IL1R1: variants seen among roughly 807,000 people sequenced by gnomAD.
IL1R1 encodes interleukin-1 receptor type 1.
In IL1R1, 22 loss-of-function variants were observed where a neutral mutation model predicts 50.2. The ratio of observed to expected loss-of-function variants is 0.44; its 90% CI spans 0.31 to 0.63. The LOEUF is 0.63. Among genes scored for constraint, IL1R1 ranks in the 20% least tolerant of loss-of-function variants. IL1R1 has a pLI of 0.07. For synonymous variants in IL1R1, 251 were observed against 236.7 expected (o/e 1.06, Z -0.55); for missense variants, 509 against 676.2 (o/e 0.75, Z 2.74).
chr2:102,121,534 T>C (rs1251828438), intron 1 of IL1R1, among the ~76,000 whole-genome samples: 1 of 152,148 alleles, frequency 6.6e-6, no homozygotes, highest in African/African-American at 2.4e-5. Context: ...CTGCAGATCT[T>C]CCCTCTAGCT....
chr2:102,071,085 A>G (rs926239864), intron 1 of IL1R1, among the ~76,000 whole-genome samples: 4 of 152,300 alleles, frequency 2.6e-5, no homozygotes, highest in Admixed American at 2.0e-4. Flanking sequence ...AGGCATCATT[A>G]TGTGTTATAT....
At chr2:102,099,652 T>C (rs372481708), upstream of IL1R1, among the ~76,000 whole-genome samples, 13 of 152,278 alleles carry the variant, frequency 8.5e-5, no homozygotes, top group South Asian at 6.2e-4. Context: ...CATTCTCCAG[T>C]GATGACCTCC....
intron 3 of IL1R1, among the ~76,000 whole-genome samples, chr2:102,160,015 C>G (rs925228560): frequency 3.3e-5 from 5 of 152,022 alleles, no homozygotes; most frequent in African/African-American, 1.2e-4. Flanking sequence ...TTTTTGTTGC[C>G]TTTATGGAGG....
intron 1 of IL1R1, among the ~76,000 whole-genome samples, chr2:102,152,448 T>C (rs1163422096): frequency 3.8e-5 from 5 of 132,348 alleles, no homozygotes; most frequent in African/African-American, 8.8e-5. Context: ...GAGCTTGCAG[T>C]GAGCCTAGAT....
chr2:102,081,306 T>G (rs1490321196), intron 1 of IL1R1, among the ~76,000 whole-genome samples: 1 of 152,188 alleles, frequency 6.6e-6, no homozygotes, highest in Non-Finnish European at 1.5e-5. Context: ...TGCAGAAATA[T>G]GCTGAATTAG....
upstream of IL1R1, among the ~76,000 whole-genome samples, chr2:102,140,220 G>A (rs1682567625): frequency 6.6e-6 from 1 of 152,244 alleles, no homozygotes; most frequent in South Asian, 2.1e-4. Context: ...TAGCCTTAAT[G>A]TTTATAATGG....
At chr2:102,162,259 C>T (rs1321950868) in intron 3 of IL1R1, among the ~76,000 whole-genome samples, 1 of 152,034 alleles carries the variant, frequency 6.6e-6, no homozygotes, top group Non-Finnish European at 1.5e-5. Context: ...TCTTTTTAAT[C>T]TATTTTTACC....
chr2:102,124,809 G>A (rs895341379), intron 1 of IL1R1, among the ~76,000 whole-genome samples: 4 of 151,920 alleles, frequency 2.6e-5, no homozygotes, highest in South Asian at 2.1e-4. Context: ...CCAGCTACTC[G>A]GGAAGCTGAG....
chr2:102,168,873 A>G (rs1236135769), intron 7 of IL1R1, among the ~76,000 whole-genome samples: 1 of 152,002 alleles, frequency 6.6e-6, no homozygotes, highest in Non-Finnish European at 1.5e-5. Flanking sequence ...CTCCAGCCCT[A>G]CTTTTCTGTG....
Position 102,077,654 on chromosome 2 carries a change from T to C in IL1R1, c.-84+7121T>C, listed in dbSNP as rs370334966. On this transcript the variant is annotated intron_variant, in intron 1 of 11. Transcript: ENST00000409929. The stretch of plus-strand genomic sequence containing the variant: ...TTTTCTCCTCCTGTTGGTTATATTT[T>C]CCTGCTTCTTTGCATGCATGGTAAT... 9.2e-5 allele frequency among the ~76,000 whole-genome samples: 14 copies of C among 152,326 alleles called. No homozygotes were observed. In the East Asian group the frequency reaches 9.7e-4, roughly 11 times the overall value.
chr2:102,155,357 A>C (rs922723565), intron 2 of IL1R1, among the ~76,000 whole-genome samples: 1 of 152,200 alleles, frequency 6.6e-6, no homozygotes, highest in South Asian at 2.1e-4. Context: ...TTTACTCAAC[A>C]TGCCATCTAT....
At chr2:102,114,398 G>T (rs780010706) in intron 1 of IL1R1, among the ~76,000 whole-genome samples, 3 of 152,190 alleles carry the variant, frequency 2.0e-5, no homozygotes, top group African/African-American at 4.8e-5. Flanking sequence ...GTTCACAGGG[G>T]TTCTTTCCTG....
chr2:102,126,471 C>T (rs914995169), intron 1 of IL1R1, among the ~76,000 whole-genome samples: 3 of 152,070 alleles, frequency 2.0e-5, no homozygotes, highest in Non-Finnish European at 4.4e-5. Context: ...AGCTGCTTTT[C>T]TGGAAAATTT....
chr2:102,106,996 G>T (rs951021953), intron 1 of IL1R1, among the ~76,000 whole-genome samples: 3 of 152,058 alleles, frequency 2.0e-5, no homozygotes, highest in South Asian at 2.1e-4. Context: ...TTTTCCTTGA[G>T]ATAAATCCCC....
chr2:102,123,273 G>A (rs1681498315), intron 1 of IL1R1, among the ~76,000 whole-genome samples: 1 of 152,172 alleles, frequency 6.6e-6, no homozygotes, highest in African/African-American at 2.4e-5. Context: ...TTGTGTTTGT[G>A]TCTTATGGGA....
chr2:102,158,297 G>A (rs892541267), intron 3 of IL1R1, among the ~76,000 whole-genome samples: 9 of 152,188 alleles, frequency 5.9e-5, no homozygotes, highest in African/African-American at 2.2e-4. Context: ...AGAAATACCT[G>A]CCTGCATAGG....
intron 1 of IL1R1, among the ~76,000 whole-genome samples, chr2:102,130,040 T>TCCAGC (rs1681943806): frequency 1.3e-5 from 2 of 152,264 alleles, no homozygotes; most frequent in Non-Finnish European, 2.9e-5. Context: ...TACCTTTTTT[T>TCCAGC]ACTTTGTTTA....
intron 1 of IL1R1, among the ~76,000 whole-genome samples, chr2:102,123,923 A>T (rs1256119452): frequency 3.3e-5 from 5 of 152,074 alleles, no homozygotes; most frequent in Non-Finnish European, 7.4e-5. Flanking sequence ...TAGGAAGGAG[A>T]TGGTGAACAA....
At chr2:102,125,323 T>C (rs1681647498) in intron 1 of IL1R1, among the ~76,000 whole-genome samples, 1 of 152,184 alleles carries the variant, frequency 6.6e-6, no homozygotes, top group Non-Finnish European at 1.5e-5. Flanking sequence ...TAACGAAAAT[T>C]CTTCATCATA....
Sources: gnomAD v4.1 joint callset for allele counts (sites outside exome capture counted in the v4.1 genomes callset) on GRCh38, gnomAD v4.1.1 for gene constraint, MANE v1.5 for transcripts, NCBI Gene and HGNC (gene_info 2026-07-23, HGNC 2026-07-21) for gene names.